Variants in FAM53B observed in about 807,000 individuals in gnomAD.
The protein encoded by FAM53B is family with sequence similarity 53 member B.
A neutral mutation model predicts 32.7 loss-of-function variants in FAM53B; 12 were observed. That is an observed-to-expected ratio of 0.37 (90% confidence interval 0.24 to 0.59). FAM53B has a LOEUF of 0.59. Among genes scored for constraint, FAM53B ranks in the 20% least tolerant of loss-of-function variants. FAM53B has a pLI of 0.72. For synonymous variants in FAM53B, 234 were observed against 228.7 expected (o/e 1.02, Z -0.21); for missense variants, 477 against 577.7 (o/e 0.83, Z 1.79).
At chr10:124,636,943 T>C (rs1949435829) in intron 4 of FAM53B, among the ~76,000 whole-genome samples, 1 of 151,926 alleles carries the variant, frequency 6.6e-6, no homozygotes. Flanking sequence ...CCTCTCGATC[T>C]GGGGGGAGCG....
At chr10:124,710,640 C>G (rs1260737166) in intron 1 of FAM53B, among the ~76,000 whole-genome samples, 1 of 152,214 alleles carries the variant, frequency 6.6e-6, no homozygotes, top group Non-Finnish European at 1.5e-5. Context: ...GTGGAAGCCT[C>G]GCAAAGCCCT....
At chr10:124,711,225 C>T (rs1228756196) in intron 1 of FAM53B, among the ~76,000 whole-genome samples, 1 of 152,202 alleles carries the variant, frequency 6.6e-6, no homozygotes, top group African/African-American at 2.4e-5. Flanking sequence ...CAAAGGCTCA[C>T]TATTCTAGGA....
At chr10:124,666,654 G>GC (rs1314926547) in intron 4 of FAM53B, among the ~76,000 whole-genome samples, 1 of 152,170 alleles carries the variant, frequency 6.6e-6, no homozygotes, top group Non-Finnish European at 1.5e-5. Flanking sequence ...CATCTCCCCA[G>GC]CCCTGCCCCG....
chr10:124,741,055 C>A (rs1359073173), intron 1 of FAM53B, among the ~76,000 whole-genome samples: 1 of 152,232 alleles, frequency 6.6e-6, no homozygotes, highest in Non-Finnish European at 1.5e-5. Context: ...AATCAAAACA[C>A]CACTGGGGTT....
At chr10:124,707,406 C>CAGAA (rs531135209) in intron 1 of FAM53B, among the ~76,000 whole-genome samples, 33 of 152,298 alleles carry the variant, frequency 2.2e-4, no homozygotes, top group African/African-American at 7.9e-4. Flanking sequence ...CAGTTATGAA[C>CAGAA]AGAAGCTAAT....
intron 4 of FAM53B, among the ~76,000 whole-genome samples, chr10:124,643,751 GC>G (rs1949491802): frequency 6.6e-6 from 1 of 152,228 alleles, no homozygotes; most frequent in Admixed American, 6.5e-5. Flanking sequence ...CCACAGGGCT[GC>G]CCCCAGGAGC....
chr10:124,738,401 C>T (rs1950183681), intron 1 of FAM53B, among the ~76,000 whole-genome samples: 1 of 151,158 alleles, frequency 6.6e-6, no homozygotes, highest in Admixed American at 6.6e-5. Flanking sequence ...CTCTAATGTG[C>T]AGCCAATATT....
At chr10:124,720,155 C>G (rs1475750204) in intron 1 of FAM53B, among the ~76,000 whole-genome samples, 1 of 146,258 alleles carries the variant, frequency 6.8e-6, no homozygotes, top group Non-Finnish European at 1.5e-5. Context: ...AAAAGAGAGA[C>G]TTCATCTAAA....
At chr10:124,658,602 G>A (rs772843892) in intron 4 of FAM53B, among the ~76,000 whole-genome samples, 1 of 152,192 alleles carries the variant, frequency 6.6e-6, no homozygotes, top group Non-Finnish European at 1.5e-5. Context: ...TACAAGTCCT[G>A]GAGAACAGCA....
Position 124,659,213 on chromosome 10 carries a change from C to T in FAM53B, c.906+22394G>A, listed in dbSNP as rs929163188. 2.0e-5 allele frequency among the ~76,000 whole-genome samples: 3 copies of T among 152,206 alleles called. No homozygotes were observed. In the East Asian group the frequency reaches 5.8e-4, roughly 29 times the overall value. ...ACTACCCTTTGGAGAATCGTGACTCCCTCCACCTCTAGCCTTCCTGCTTTC... is the reference window on the plus strand; with the variant it reads ...ACTACCCTTTGGAGAATCGTGACTCTCTCCACCTCTAGCCTTCCTGCTTTC... On this transcript the variant is annotated intron_variant, in intron 4 of 4. Transcript: ENST00000337318.
intron 1 of FAM53B, among the ~76,000 whole-genome samples, chr10:124,720,573 G>C (rs1165107828): frequency 6.6e-6 from 1 of 152,224 alleles, no homozygotes; most frequent in East Asian, 1.9e-4. Context: ...CTGGTCAGAG[G>C]TTGACATTGA....
At chr10:124,694,881 A>C (rs1949859169) in intron 3 of FAM53B, among the ~76,000 whole-genome samples, 1 of 152,220 alleles carries the variant, frequency 6.6e-6, no homozygotes, top group African/African-American at 2.4e-5. Context: ...GAGCCATGGC[A>C]GGTGGTTGAG....
chr10:124,727,084 T>A (rs1950109116), intron 1 of FAM53B, among the ~76,000 whole-genome samples: 1 of 152,124 alleles, frequency 6.6e-6, no homozygotes. Context: ...AGTGGCACGA[T>A]CTTGGCTCAC....
At chr10:124,684,492 T>C (rs538321046) in intron 3 of FAM53B, among the ~76,000 whole-genome samples, 2 of 152,198 alleles carry the variant, frequency 1.3e-5, no homozygotes, top group African/African-American at 2.4e-5. Flanking sequence ...TGGTCAGCAG[T>C]TGAAAGTCCA....
At position 124,735,431 on chromosome 10, in the gene FAM53B, G is replaced by GAC. The variant is rs546765452; in HGVS notation, c.-175+8580_-175+8581dup. Among the ~76,000 whole-genome samples, 107 of 152,356 alleles carry GAC rather than the reference G, an allele frequency of 7.0e-4. 1 individual carries two copies. In the East Asian group the frequency reaches 0.016, roughly 23 times the overall value. ...TCACCAGTCTCAACTCTTGGTAACAGACACACTGCAAACTAAACTGTAATG... is the reference window on the plus strand; with the variant it reads ...TCACCAGTCTCAACTCTTGGTAACAGACACACACTGCAAACTAAACTGTAATG... On this transcript the variant is annotated intron_variant, in intron 1 of 4. Transcript: ENST00000337318.
rs575580742 is a variant in FAM53B, at chr10:124,714,775, A to G, written c.-174-7888T>C. Among the ~76,000 whole-genome samples the G allele has an allele frequency of 5.7e-3, 870 of 152,034 alleles. 3 individuals are homozygous for G. The highest frequency in any genetic ancestry group is 0.012 in the African/African-American group (503 of 41,484). On this transcript the variant is annotated intron_variant, in intron 1 of 4. Coordinates refer to ENST00000337318, the MANE Select transcript of FAM53B (RefSeq NM_014661.4). ...CTCCACCTCAAAAAAAAAAAAAAAA[A>G]AAAAGAAAACCTCTTTCATCAGTAC...
At chr10:124,683,661 T>A (rs1164835636) in intron 3 of FAM53B, among the ~76,000 whole-genome samples, 1 of 152,168 alleles carries the variant, frequency 6.6e-6, no homozygotes, top group East Asian at 1.9e-4. Context: ...AGACAGGATG[T>A]AAACCCAGCT....
intron 4 of FAM53B, among the ~76,000 whole-genome samples, chr10:124,642,307 C>T (rs1192479216): frequency 6.6e-6 from 1 of 152,216 alleles, no homozygotes; most frequent in Admixed American, 6.5e-5. Flanking sequence ...ACAGCCAGAG[C>T]GCCATGCGTG....
intron 4 of FAM53B, among the ~76,000 whole-genome samples, chr10:124,659,476 A>G (rs1296779114): frequency 6.6e-6 from 1 of 152,224 alleles, no homozygotes; most frequent in East Asian, 1.9e-4. Flanking sequence ...TGGGTCCCCA[A>G]AGATGCTCCA....
Sources: allele counts gnomAD v4.1 joint callset (sites outside exome capture counted in the v4.1 genomes callset), GRCh38; gene constraint gnomAD v4.1.1; transcripts MANE v1.5; gene names NCBI Gene and HGNC (gene_info 2026-07-23, HGNC 2026-07-21).